Variants in TUSC3 observed in about 807,000 individuals in gnomAD.
The protein encoded by TUSC3 is dolichyl-diphosphooligosaccharide--protein glycosyltransferase subunit TUSC3.
TUSC3 carries 45 observed loss-of-function variants against 44.8 expected under a neutral mutation model. That is an observed-to-expected ratio of 1.00 (90% confidence interval 0.79 to 1.29). The LOEUF is 1.29. Among genes scored for constraint, TUSC3 ranks in the 50% most tolerant of loss-of-function variants. TUSC3 has a pLI of 0.00. For missense variants in TUSC3, 519 were observed against 437.9 expected (o/e 1.19, Z -1.65); for synonymous variants, 212 against 152.9 (o/e 1.39, Z -2.85).
chr8:15,423,247 C>G (rs1410747405), intron 1 of TUSC3, among the ~76,000 whole-genome samples: 1 of 152,148 alleles, frequency 6.6e-6, no homozygotes, highest in Admixed American at 6.5e-5. Context: ...ATTTGATTTG[C>G]TAATATTTCT....
chr8:15,439,212 G>A (rs919054303), intron 1 of TUSC3, among the ~76,000 whole-genome samples: 1 of 152,158 alleles, frequency 6.6e-6, no homozygotes, highest in Non-Finnish European at 1.5e-5. Context: ...CAGCGACCCA[G>A]GAAACCCAGT....
Position 15,639,663 on chromosome 8 carries a change from A to C in TUSC3, c.309-11034A>C, listed in dbSNP as rs138828195. On this transcript the variant is annotated intron_variant, in intron 2 of 10. Transcript: ENST00000503731. ...ATCTTTGTATTATTTTTAAGCATTT[A>C]TTCTTGGTTTCAATGATTTTAGTTT... 2.8e-3 allele frequency among the ~76,000 whole-genome samples: 419 copies of C among 152,188 alleles called. 3 individuals are homozygous for C. The highest frequency in any genetic ancestry group is 9.7e-3 in the African/African-American group (403 of 41,542).
At chr8:15,679,898 T>G (rs937679838) in intron 6 of TUSC3, among the ~76,000 whole-genome samples, 1 of 152,162 alleles carries the variant, frequency 6.6e-6, no homozygotes, top group Non-Finnish European at 1.5e-5. Flanking sequence ...TGGTTGTAGA[T>G]GTGTAACTTT....
intron 2 of TUSC3, among the ~76,000 whole-genome samples, chr8:15,529,592 G>A (rs1398992146): frequency 6.6e-6 from 1 of 151,850 alleles, no homozygotes; most frequent in Non-Finnish European, 1.5e-5. Flanking sequence ...CCAACTGTTT[G>A]AAAAATACTA....
At chr8:15,740,647 A>G (rs1179038961) in intron 7 of TUSC3, among the ~76,000 whole-genome samples, 17 of 152,180 alleles carry the variant, frequency 1.1e-4, no homozygotes, top group Non-Finnish European at 4.4e-5. Flanking sequence ...GATAAAATCA[A>G]TAATTGGGTA....
intron 1 of TUSC3, among the ~76,000 whole-genome samples, chr8:15,459,355 C>G (rs973094093): frequency 6.6e-6 from 1 of 152,058 alleles, no homozygotes; most frequent in Non-Finnish European, 1.5e-5. Flanking sequence ...TCTTGCTTAA[C>G]TGTGATTTGA....
intron 6 of TUSC3, among the ~76,000 whole-genome samples, chr8:15,729,701 C>T (rs1051345560): frequency 3.3e-5 from 5 of 151,942 alleles, no homozygotes; most frequent in African/African-American, 1.2e-4. Flanking sequence ...GACCCTGGGG[C>T]TTACTTGAGG....
At chr8:15,473,035 A>G (rs1800515733) in intron 1 of TUSC3, among the ~76,000 whole-genome samples, 1 of 152,206 alleles carries the variant, frequency 6.6e-6, no homozygotes, top group African/African-American at 2.4e-5. Context: ...AATCCTTAAC[A>G]ATATATGCTG....
chr8:15,528,496 C>T (rs74868996), intron 2 of TUSC3, among the ~76,000 whole-genome samples: 2,995 of 152,230 alleles, frequency 0.02, 95 homozygotes, highest in East Asian at 0.13. Flanking sequence ...CCATGAGAAC[C>T]ACAACTTCAA....
intron 1 of TUSC3, among the ~76,000 whole-genome samples, chr8:15,480,835 C>G (rs543767883): frequency 1.3e-5 from 2 of 152,270 alleles, no homozygotes; most frequent in African/African-American, 2.4e-5. Context: ...TTCTAAGGTA[C>G]TGGGAGCTAA....
chr8:15,830,547 A>G, the TUSC3 span, among the ~76,000 whole-genome samples: 3 of 152,196 alleles, frequency 2.0e-5, no homozygotes, highest in Admixed American at 2.0e-4. Context: ...AAAAAATGTG[A>G]TGTGTATATA....
At chr8:15,631,549 C>G (rs186805833) in intron 2 of TUSC3, among the ~76,000 whole-genome samples, 2 of 152,172 alleles carry the variant, frequency 1.3e-5, no homozygotes, top group Admixed American at 6.5e-5. Context: ...ATTTTGCTCT[C>G]TTTTAAGTAT....
chr8:15,699,566 A>T (rs1027418067), intron 6 of TUSC3, among the ~76,000 whole-genome samples: 5 of 152,246 alleles, frequency 3.3e-5, no homozygotes, highest in Non-Finnish European at 5.9e-5. Flanking sequence ...AAAAGATTAT[A>T]TGCAGAAACT....
chr8:15,488,375 A>G (rs937794445), intron 2 of TUSC3, among the ~76,000 whole-genome samples: 1 of 151,432 alleles, frequency 6.6e-6, no homozygotes, highest in Non-Finnish European at 1.5e-5. Flanking sequence ...AGTGGCTCGC[A>G]CCTGTAGTCC....
chr8:15,769,307 A>G (rs1365951670), downstream of TUSC3, among the ~76,000 whole-genome samples: 1 of 152,186 alleles, frequency 6.6e-6, no homozygotes, highest in South Asian at 2.1e-4. Context: ...TCTTTCACAA[A>G]CTTGACAAAA....
Position 15,467,841 on chromosome 8 carries a change from A to G in TUSC3, n.92-15545A>G, listed in dbSNP as rs567525676. Among the ~76,000 whole-genome samples the G allele has an allele frequency of 1.4e-4, 22 of 152,218 alleles. 1 individual carries two copies. The highest frequency in any genetic ancestry group is 5.1e-4 in the African/African-American group (21 of 41,572). ...CTTTTCTACGTATGCTTCTAACCTA[A>G]AGTTTTTTATCCACAATACCTTTCT... On this transcript the variant is annotated intron_variant and non_coding_transcript_variant, in intron 1 of 5. Coordinates refer to the TUSC3 transcript ENST00000503191.
downstream of TUSC3, among the ~76,000 whole-genome samples, chr8:15,768,791 C>T (rs545557776): frequency 1.3e-5 from 2 of 151,778 alleles, no homozygotes; most frequent in South Asian, 4.2e-4. Context: ...TTTCTATATC[C>T]CAATAACAGC....
the TUSC3 span, among the ~76,000 whole-genome samples, chr8:15,778,112 CAAAAAA>C: frequency 1.1e-5 from 1 of 93,446 alleles, no homozygotes; most frequent in Non-Finnish European, 2.2e-5. Flanking sequence ...AAAAAAAAAA[CAAAAAA>C]CCAAAAAACA....
intron 1 of TUSC3, among the ~76,000 whole-genome samples, chr8:15,584,155 C>G (rs1803498349): frequency 6.6e-6 from 1 of 152,094 alleles, no homozygotes; most frequent in Non-Finnish European, 1.5e-5. Flanking sequence ...CCTTAAGATT[C>G]TTAATTGTCA....
Sources: allele counts gnomAD v4.1 joint callset (sites outside exome capture counted in the v4.1 genomes callset), GRCh38; gene constraint gnomAD v4.1.1; transcripts MANE v1.5; gene names NCBI Gene and HGNC (gene_info 2026-07-23, HGNC 2026-07-21).